ARHGAP6: variants seen among roughly 807,000 people sequenced by gnomAD.
ARHGAP6 encodes the protein Rho GTPase activating protein 6, also known as rho GTPase-activating protein 6.
A neutral mutation model predicts 55.7 loss-of-function variants in ARHGAP6; 16 were observed. That is an observed-to-expected ratio of 0.29 (90% CI 0.19 to 0.44). The LOEUF (loss-of-function observed/expected upper bound fraction) is 0.44, where lower values mean the gene tolerates loss of function less well. Among genes scored for constraint, ARHGAP6 ranks in the 20% least tolerant of loss-of-function variants. The pLI, the probability that ARHGAP6 is intolerant of heterozygous loss-of-function variation, is 1.00. For missense variants in ARHGAP6, 698 were observed against 808.9 expected (o/e 0.86, Z 1.66); for synonymous variants, 382 against 360.9 (o/e 1.06, Z -0.66).
At chrX:11,662,413 C>G (rs1331496261) in intron 1 of ARHGAP6, among the ~76,000 whole-genome samples, 1 of 112,045 alleles carries the variant, frequency 8.9e-6, no homozygotes, top group Non-Finnish European at 1.9e-5. Flanking sequence ...TTCCAACACA[C>G]ACACACACAC....
intron 1 of ARHGAP6, among the ~76,000 whole-genome samples, chrX:11,660,729 G>A (rs1284140947): frequency 1.8e-5 from 2 of 109,635 alleles, no homozygotes; most frequent in South Asian, 4.0e-4. Flanking sequence ...TTTTTTGGGA[G>A]CTGTAGAATC....
chrX:11,436,987 A>G, intron 1 of ARHGAP6, among the ~76,000 whole-genome samples: 1 of 111,047 alleles, frequency 9.0e-6, no homozygotes, highest in Admixed American at 9.6e-5. Flanking sequence ...TGAATATGTT[A>G]AAGACCAAGG....
At chrX:11,282,362 C>G (rs756008281) in intron 1 of ARHGAP6, among the ~76,000 whole-genome samples, 2 of 111,710 alleles carry the variant, frequency 1.8e-5, no homozygotes, top group South Asian at 3.7e-4. Context: ...TTTGGCCCAT[C>G]ATTAGCAAAC....
chrX:11,490,830 A>C (rs752269589), intron 1 of ARHGAP6, among the ~76,000 whole-genome samples: 4 of 112,402 alleles, frequency 3.6e-5, no homozygotes, highest in Non-Finnish European at 7.5e-5. Flanking sequence ...TATTTTACTT[A>C]AACACGAATT....
At chrX:11,222,037 A>G (rs1342467706) in intron 2 of ARHGAP6, among the ~76,000 whole-genome samples, 1 of 111,724 alleles carries the variant, frequency 9.0e-6, no homozygotes, top group African/African-American at 3.3e-5. Context: ...AGTATGAGAA[A>G]AAATTGAATT....
chrX:11,609,095 T>C (rs888973005), intron 1 of ARHGAP6, among the ~76,000 whole-genome samples: 1 of 111,495 alleles, frequency 9.0e-6, no homozygotes, highest in African/African-American at 3.3e-5. Flanking sequence ...CTGGCTCCAT[T>C]GGTTAGGGGC....
intron 2 of ARHGAP6, among the ~76,000 whole-genome samples, chrX:11,214,259 A>G (rs1034680131): frequency 1.8e-4 from 18 of 97,482 alleles, no homozygotes; most frequent in African/African-American, 7.3e-4. Flanking sequence ...TTGCTTAAGC[A>G]CACACACACA....
intron 1 of ARHGAP6, among the ~76,000 whole-genome samples, chrX:11,596,565 A>G (rs772084996): frequency 1.8e-5 from 2 of 111,771 alleles, no homozygotes; most frequent in Admixed American, 9.5e-5. Context: ...CAGAACTTAA[A>G]GTATATTAAA....
chrX:11,420,433 C>T (rs1419139727), intron 1 of ARHGAP6, among the ~76,000 whole-genome samples: 1 of 111,492 alleles, frequency 9.0e-6, no homozygotes, highest in Admixed American at 9.5e-5. Flanking sequence ...GCACCCAAGA[C>T]CGTTAAATCT....
At chrX:11,303,869 G>T (rs1347790283) in intron 1 of ARHGAP6, among the ~76,000 whole-genome samples, 1 of 111,308 alleles carries the variant, frequency 9.0e-6, no homozygotes, top group African/African-American at 3.3e-5. Context: ...CAGTACACTC[G>T]TCTATAAAAT....
intron 8 of ARHGAP6, among the ~76,000 whole-genome samples, chrX:11,174,912 C>T (rs901201884): frequency 3.7e-5 from 4 of 108,712 alleles, no homozygotes; most frequent in Admixed American, 3.0e-4. Flanking sequence ...AGGATGGTCT[C>T]GATCTCCTGA....
intron 1 of ARHGAP6, among the ~76,000 whole-genome samples, chrX:11,508,880 CAT>C (rs1491305275): frequency 1.8e-5 from 2 of 110,199 alleles, no homozygotes; most frequent in South Asian, 3.9e-4. Flanking sequence ...CACACACACA[CAT>C]ATCACGCATC....
intron 1 of ARHGAP6, among the ~76,000 whole-genome samples, chrX:11,374,429 A>G (rs2049177426): frequency 8.9e-6 from 1 of 112,162 alleles, no homozygotes; most frequent in African/African-American, 3.2e-5. Context: ...CAGATATTAC[A>G]TATTTCCAGC....
rs192316648 is a variant in ARHGAP6 at position 11,551,446 on chromosome X, C to A, written c.588+112795G>T. 1.7e-4 allele frequency among the ~76,000 whole-genome samples: 19 copies of A among 111,117 alleles called. No individual in the cohort carries two copies. The East Asian group carries it at 5.4e-3, about 31-fold the overall frequency. On this transcript the variant is annotated intron_variant, in intron 1 of 12. Transcript: ENST00000337414. Reference sequence around the variant, plus strand: ...GTTAAACATTTGATAAACCAGAGAACCCATTATTAACCCATGTTAATAATG... The same window carrying A: ...GTTAAACATTTGATAAACCAGAGAAACCATTATTAACCCATGTTAATAATG...
chrX:11,143,761 T>C, intron 11 of ARHGAP6: 9 of 1,130,932 alleles, frequency 8.0e-6, no homozygotes, highest in Non-Finnish European at 8.1e-6. Flanking sequence ...ACTTGGAGTG[T>C]GGCCTGCAGG....
chrX:11,477,760 CAATAT>C (rs2050417686), intron 1 of ARHGAP6, among the ~76,000 whole-genome samples: 1 of 111,839 alleles, frequency 8.9e-6, no homozygotes, highest in Non-Finnish European at 1.9e-5. Flanking sequence ...AATACACATA[CAATAT>C]GATTCCAATG....
At chrX:11,381,453 G>T (rs1019694586) in intron 1 of ARHGAP6, among the ~76,000 whole-genome samples, 1 of 112,059 alleles carries the variant, frequency 8.9e-6, no homozygotes, top group East Asian at 2.8e-4. Context: ...TGCTTTGTCA[G>T]TTTGTCAAAT....
intron 1 of ARHGAP6, among the ~76,000 whole-genome samples, chrX:11,356,461 G>C (rs1721914157): frequency 9.0e-6 from 1 of 111,588 alleles, no homozygotes; most frequent in African/African-American, 3.3e-5. Context: ...AAAACAAAAA[G>C]AAACTTGTTT....
chrX:11,417,314 C>T (rs959558089), intron 1 of ARHGAP6, among the ~76,000 whole-genome samples: 2 of 106,527 alleles, frequency 1.9e-5, no homozygotes, highest in Non-Finnish European at 3.9e-5. Flanking sequence ...AGTGGTAGCC[C>T]AGATTCAGGA....
Sources: allele counts gnomAD v4.1 joint callset (sites outside exome capture counted in the v4.1 genomes callset), GRCh38; gene constraint gnomAD v4.1.1; transcripts MANE v1.5; gene names NCBI Gene and HGNC (gene_info 2026-07-23, HGNC 2026-07-21).